ASPH: variants seen among roughly 807,000 people sequenced by gnomAD.
ASPH encodes aspartyl/asparaginyl beta-hydroxylase.
Under a neutral mutation model 118.4 loss-of-function variants are expected in ASPH, and 100 were observed. The observed-to-expected ratio is 0.84, with a 90% CI of 0.72 to 1.00. The LOEUF is 1.00. Among genes scored for constraint, ASPH ranks in the 50% least tolerant of loss-of-function variants. ASPH has a pLI of 0.00. For missense variants in ASPH, 920 were observed against 919.5 expected (o/e 1.00, Z -0.01); for synonymous variants, 315 against 325.6 (o/e 0.97, Z 0.35).
At chr8:61,619,844 T>A (rs776527733) in intron 13 of ASPH, among the ~76,000 whole-genome samples, 1 of 152,210 alleles carries the variant, frequency 6.6e-6, no homozygotes, top group African/African-American at 2.4e-5. Flanking sequence ...CTGTTCTTTG[T>A]GTATTTCTAG....
At chr8:61,609,841 T>C (rs1182549350) in intron 14 of ASPH, among the ~76,000 whole-genome samples, 2 of 152,216 alleles carry the variant, frequency 1.3e-5, no homozygotes, top group African/African-American at 2.4e-5. Flanking sequence ...ATTTGAAGTC[T>C]TGTTTAAATA....
At chr8:61,670,372 C>T (rs1821831680) in intron 3 of ASPH, among the ~76,000 whole-genome samples, 1 of 151,100 alleles carries the variant, frequency 6.6e-6, no homozygotes. Flanking sequence ...AGGATGAGGG[C>T]ACTATTTTAT....
intron 15 of ASPH, chr8:61,583,279 A>C (rs765599641): frequency 6.6e-6 from 1 of 151,378 alleles, no homozygotes; most frequent in Non-Finnish European, 1.5e-5. Flanking sequence ...TTATTATTTT[A>C]ATCTCACTTA....
At chr8:61,686,457 A>G (rs941070001) in intron 1 of ASPH, among the ~76,000 whole-genome samples, 1 of 152,210 alleles carries the variant, frequency 6.6e-6, no homozygotes, top group African/African-American at 2.4e-5. Flanking sequence ...GATTTACGAA[A>G]GTGAGTAAGC....
chr8:61,507,476 G>T (rs950610819), intron 24 of ASPH, among the ~76,000 whole-genome samples: 6 of 152,078 alleles, frequency 3.9e-5, no homozygotes, highest in Non-Finnish European at 8.8e-5. Flanking sequence ...TTTTAATGTA[G>T]ATTTCTTCTG....
intron 21 of ASPH, among the ~76,000 whole-genome samples, chr8:61,539,699 G>GTGTGTGTGTGTGTGTGTGTGTGT (rs1554618408): frequency 7.3e-4 from 91 of 124,304 alleles, no homozygotes; most frequent in Admixed American, 3.4e-3. Flanking sequence ...ACACTTCTGG[G>GTGTGTGTGTGTGTGTGTGTGTGT]GTGTGTGTGT....
intron 13 of ASPH, among the ~76,000 whole-genome samples, chr8:61,627,575 G>T (rs112760834): frequency 0.021 from 3,223 of 152,228 alleles, 50 homozygotes; most frequent in South Asian, 0.043. Flanking sequence ...TACCCCAATA[G>T]AAAAAGTTTA....
Position 61,518,108 on chromosome 8 carries a change from T to A in ASPH, c.1916A>T (p.Asn639Ile), listed in dbSNP as rs1390603967. 1.2e-6 allele frequency: 2 copies of A among 1,613,248 alleles called. No homozygotes were observed. The highest frequency in any genetic ancestry group is 1.7e-6 in the Non-Finnish European group (2 of 1,179,454). Residue 639 changes from asparagine (N) to isoleucine (I), a missense_variant, in exon 23 of 25, where the codon AAT becomes ATT. By Grantham distance (149) the Asn-to-Ile change is moderately radical. Transcript: ENST00000379454. ...GGTTTTAGGAGCTCCTTTGCAGGCA[T>A]TTTCATTTCTTCTTCCTAGAATAAA... ...TLWQQGRRNE[N>I]ACKGAPKTCT...
chr8:61,608,988 G>C (rs1846442448), intron 14 of ASPH, among the ~76,000 whole-genome samples: 1 of 152,132 alleles, frequency 6.6e-6, no homozygotes, highest in Non-Finnish European at 1.5e-5. Flanking sequence ...AGTTTTGTTT[G>C]GGTGCATCAC....
intron 1 of ASPH, 51 bp from the exon 2 acceptor site, chr8:61,684,239 C>G (rs117941169): frequency 1.3e-6 from 2 of 1,513,548 alleles, no homozygotes; most frequent in East Asian, 4.5e-5. Context: ...TTTTACTGAA[C>G]ACTTATTCTC....
At chr8:61,603,191 C>CAAAAAAAAAAAAAAAAAAAAAAAAAA in intron 14 of ASPH, among the ~76,000 whole-genome samples, 1 of 61,348 alleles carries the variant, frequency 1.6e-5, no homozygotes, top group Non-Finnish European at 2.9e-5. Flanking sequence ...AGACTTGTCT[C>CAAAAAAAAAAAAAAAAAAAAAAAAAA]AAAAAAAAAA....
chr8:61,536,066 GTC>G (rs1699095415), intron 21 of ASPH, among the ~76,000 whole-genome samples: 1 of 130,916 alleles, frequency 7.6e-6, no homozygotes, highest in South Asian at 2.4e-4. Flanking sequence ...TGAGACAAGA[GTC>G]TCACTCTGTC....
rs78386573 is a variant in ASPH at position 61,698,904 on chromosome 8, C to T, written c.104-14716G>A. ...TAATAAACACCAACAATGGCTGCAA[C>T]TAAAAATTGCATAAACAATTAACTT... On this transcript the variant is annotated intron_variant, in intron 1 of 24. Transcript: ENST00000379454. Among the ~76,000 whole-genome samples, 535 of 152,312 alleles carry T rather than the reference C, an allele frequency of 3.5e-3. 2 individuals are homozygous for T. Among genetic ancestry groups the T allele is most frequent in the Middle Eastern group, 0.02 (6 of 294 alleles).
At chr8:61,678,963 T>G (rs557850997) in intron 3 of ASPH, among the ~76,000 whole-genome samples, 2 of 152,254 alleles carry the variant, frequency 1.3e-5, no homozygotes, top group African/African-American at 4.8e-5. Context: ...TTCACCAGGC[T>G]GTCTTTGCAG....
intron 10 of ASPH, among the ~76,000 whole-genome samples, chr8:61,641,256 C>T (rs1398967906): frequency 6.6e-6 from 1 of 152,160 alleles, no homozygotes; most frequent in Non-Finnish European, 1.5e-5. Context: ...TAATTTTATA[C>T]TTCTTATGAG....
intron 21 of ASPH, among the ~76,000 whole-genome samples, chr8:61,534,978 C>T (rs1281074395): frequency 6.6e-6 from 1 of 152,232 alleles, no homozygotes; most frequent in Non-Finnish European, 1.5e-5. Flanking sequence ...GCCAACTTCT[C>T]ACTGTCTGCA....
chr8:61,582,843 T>C (rs759569774), intron 15 of ASPH, among the ~76,000 whole-genome samples: 50 of 152,254 alleles, frequency 3.3e-4, no homozygotes, highest in Non-Finnish European at 4.7e-4. Flanking sequence ...CTAATGAACA[T>C]TACAGAGTCT....
At chr8:61,603,887 G>C (rs1844832550) in intron 14 of ASPH, among the ~76,000 whole-genome samples, 1 of 152,192 alleles carries the variant, frequency 6.6e-6, no homozygotes, top group Non-Finnish European at 1.5e-5. Flanking sequence ...CAGAACATTA[G>C]AACTGACTCT....
chr8:61,598,674 A>G (rs1316576884), intron 14 of ASPH, among the ~76,000 whole-genome samples: 1 of 152,232 alleles, frequency 6.6e-6, no homozygotes. Context: ...ATCATATCCA[A>G]CAGCTACGGA....
Sources: allele counts gnomAD v4.1 joint callset (sites outside exome capture counted in the v4.1 genomes callset), GRCh38; gene constraint gnomAD v4.1.1; transcripts MANE v1.5; gene names NCBI Gene and HGNC (gene_info 2026-07-23, HGNC 2026-07-21).